PCDH9: variants seen among roughly 807,000 people sequenced by gnomAD.
The protein encoded by PCDH9 is protocadherin-9.
Under a neutral mutation model 70.6 loss-of-function variants are expected in PCDH9, and 24 were observed. The ratio of observed to expected loss-of-function variants is 0.34; its 90% confidence interval spans 0.25 to 0.48. PCDH9 has a LOEUF of 0.48. Among genes scored for constraint, PCDH9 ranks in the 20% least tolerant of loss-of-function variants. The pLI is 0.99. For synonymous variants in PCDH9, 562 were observed against 558.5 expected (o/e 1.01, Z -0.09); for missense variants, 1,281 against 1,503.6 (o/e 0.85, Z 2.45).
intron 4 of PCDH9, among the ~76,000 whole-genome samples, chr13:66,403,086 A>C (rs929883068): frequency 1.5e-5 from 2 of 131,104 alleles, no homozygotes; most frequent in Non-Finnish European, 3.5e-5. Flanking sequence ...AACTCTTAAA[A>C]GGAACTGTCA....
At chr13:66,414,941 C>T (rs1957436737) in intron 4 of PCDH9, among the ~76,000 whole-genome samples, 1 of 151,952 alleles carries the variant, frequency 6.6e-6, no homozygotes, top group Non-Finnish European at 1.5e-5. Context: ...CATCTGAAAG[C>T]GTAAAAATAA....
intron 4 of PCDH9, among the ~76,000 whole-genome samples, chr13:66,616,484 C>CTTTTTTTTTTTTT (rs60587237): frequency 5.1e-5 from 6 of 116,662 alleles, no homozygotes; most frequent in East Asian, 2.6e-4. Context: ...TTCTAAAATT[C>CTTTTTTTTTTTTT]TTTTTTTTTT....
intron 4 of PCDH9, among the ~76,000 whole-genome samples, chr13:66,481,804 C>G (rs1231426927): frequency 6.6e-6 from 1 of 151,982 alleles, no homozygotes; most frequent in South Asian, 2.1e-4. Context: ...CTCTTGCTAC[C>G]CAATTTCTTG....
At chr13:66,455,248 C>G (rs961355481) in intron 4 of PCDH9, among the ~76,000 whole-genome samples, 2 of 150,716 alleles carry the variant, frequency 1.3e-5, no homozygotes, top group Non-Finnish European at 1.5e-5. Flanking sequence ...AAATATTGAC[C>G]ATATATATAT....
intron 3 of PCDH9, among the ~76,000 whole-genome samples, chr13:66,853,777 A>G (rs1315835591): frequency 6.6e-6 from 1 of 151,948 alleles, no homozygotes; most frequent in East Asian, 1.9e-4. Context: ...GTCTTGCTAT[A>G]TCACCCAGAC....
intron 4 of PCDH9, among the ~76,000 whole-genome samples, chr13:66,502,286 A>G (rs2138562643): frequency 6.6e-6 from 1 of 152,274 alleles, no homozygotes; most frequent in South Asian, 2.1e-4. Flanking sequence ...TGTAGTACAC[A>G]TGTACTTTTT....
In PCDH9 at chr13:67,107,271, C is replaced by T. The variant is rs546980013; in HGVS notation, c.3036+118134G>A. ...GCCCCTCCTTCAAGCCCGTGTCAGC[C>T]GAAGCATGGGGGCCGGGCTGTCACT... On this transcript the variant is annotated intron_variant, in intron 2 of 4. Transcript: ENST00000377865. Among the ~76,000 whole-genome samples, 14 of 129,316 alleles carry T rather than the reference C, an allele frequency of 1.1e-4. No individual in the cohort carries two copies. The East Asian group carries it at 1.7e-3, about 15-fold the overall frequency. 84.8% of individuals were successfully genotyped at this position (129,316 alleles called of 152,430 possible).
At chr13:66,994,045 A>G (rs2084056552) in intron 2 of PCDH9, among the ~76,000 whole-genome samples, 1 of 152,214 alleles carries the variant, frequency 6.6e-6, no homozygotes, top group African/African-American at 2.4e-5. Context: ...GATGTAGCCT[A>G]GTAATGAAAA....
At position 66,345,586 on chromosome 13, in the gene PCDH9, G is replaced by A. The variant is rs551622702; in HGVS notation, c.3341-40558C>T. Among the ~76,000 whole-genome samples the A allele has an allele frequency of 4.6e-5, 7 of 152,220 alleles. No homozygotes were observed. The South Asian group carries it at 1.5e-3, about 32-fold the overall frequency. On this transcript the variant is annotated intron_variant, in intron 4 of 4. Transcript: ENST00000377865. The stretch of plus-strand genomic sequence containing the variant: ...AAGGCGGCATGCTGATTAATCAGTT[G>A]CCTTTTTATTCCATCTTGGCAAGTA...
chr13:66,796,360 G>A (rs1168730242), intron 3 of PCDH9, among the ~76,000 whole-genome samples: 1 of 152,162 alleles, frequency 6.6e-6, no homozygotes, highest in African/African-American at 2.4e-5. Context: ...GGAACAACAT[G>A]TCAAGGGGAT....
At chr13:66,409,870 AT>A (rs1018192187) in intron 4 of PCDH9, among the ~76,000 whole-genome samples, 5 of 152,172 alleles carry the variant, frequency 3.3e-5, no homozygotes, top group African/African-American at 4.8e-5. Context: ...CCTGCCCCAA[AT>A]CCCTAGTAGA....
chr13:67,073,483 A>G (rs1451163865), intron 2 of PCDH9, among the ~76,000 whole-genome samples: 3 of 151,972 alleles, frequency 2.0e-5, no homozygotes, highest in Admixed American at 2.0e-4. Flanking sequence ...GGAAAATAAA[A>G]AATAGAACTT....
At chr13:66,982,314 T>C (rs1381022740) in intron 2 of PCDH9, among the ~76,000 whole-genome samples, 1 of 152,220 alleles carries the variant, frequency 6.6e-6, no homozygotes, top group Admixed American at 6.5e-5. Flanking sequence ...CAGGTATTTC[T>C]TTATAGCAAT....
chr13:66,384,070 T>G (rs1956889066), intron 4 of PCDH9, among the ~76,000 whole-genome samples: 1 of 152,094 alleles, frequency 6.6e-6, no homozygotes, highest in Non-Finnish European at 1.5e-5. Context: ...AATTAACATA[T>G]TAGTCATTAT....
chr13:66,720,581 A>G (rs1273738562), intron 3 of PCDH9, among the ~76,000 whole-genome samples: 2 of 152,112 alleles, frequency 1.3e-5, no homozygotes, highest in African/African-American at 4.8e-5. Flanking sequence ...TTTTTCTTCT[A>G]AGACCACTAA....
intron 4 of PCDH9, among the ~76,000 whole-genome samples, chr13:66,488,655 A>G (rs1594056833): frequency 6.6e-6 from 1 of 152,316 alleles, no homozygotes; most frequent in East Asian, 1.9e-4. Context: ...TAGTAGAAGA[A>G]TAATTTACAT....
chr13:67,124,124 A>C (rs946243855), intron 2 of PCDH9, among the ~76,000 whole-genome samples: 2 of 152,122 alleles, frequency 1.3e-5, no homozygotes, highest in African/African-American at 4.8e-5. Context: ...GTTTCAAAAA[A>C]GTAAAATGCA....
intron 2 of PCDH9, among the ~76,000 whole-genome samples, chr13:67,038,180 G>C (rs1054615134): frequency 2.4e-4 from 37 of 152,130 alleles, no homozygotes; most frequent in African/African-American, 8.7e-4. Flanking sequence ...TGTTCGACTA[G>C]AGACAGAAAT....
intron 2 of PCDH9, chr13:67,219,454 A>T (rs1177933053): frequency 6.6e-6 from 1 of 152,052 alleles, no homozygotes; most frequent in Non-Finnish European, 1.5e-5. Flanking sequence ...TATGTACATG[A>T]GAGATCCTAT....
Sources: allele counts gnomAD v4.1 joint callset (sites outside exome capture counted in the v4.1 genomes callset), GRCh38; gene constraint gnomAD v4.1.1; transcripts MANE v1.5; gene names NCBI Gene and HGNC (gene_info 2026-07-23, HGNC 2026-07-21).